The following TTN variants were observed in gnomAD, a reference collection of about 807,000 sequenced individuals.
The protein encoded by TTN is connectin.
A neutral mutation model predicts 3,223.0 loss-of-function variants in TTN; 1,525 were observed. That is an observed-to-expected ratio of 0.47 (90% confidence interval 0.45 to 0.49). The LOEUF (loss-of-function observed/expected upper bound fraction) is 0.49, where lower values mean the gene tolerates loss of function less well. Among genes scored for constraint, TTN ranks in the 20% least tolerant of loss-of-function variants. The probability of loss-of-function intolerance (pLI) is 0.00; values close to 1 mark genes in which losing one functional copy is unlikely to be tolerated. For missense variants in TTN, 40,786 were observed against 43,424.0 expected, an observed-to-expected ratio of 0.94 and a Z score of 5.40; for synonymous variants, 14,094 against 15,161.0, an observed-to-expected ratio of 0.93 and a Z score of 5.17.
rs370998052 is a variant in TTN, at chr2:178,598,767, C to A, written c.56943G>T (p.Ala18981=). ...VGPASLPSDP[A]TARDPIAPPG... ...GCTTACCAATTGGATCTCTAGCAGT[C>A]GCTGGGTCTGATGGCAGACTTGCTG... Residue 18981 remains alanine, a synonymous_variant, in exon 291 of 363, where the codon GCG becomes GCT. Transcript: ENST00000589042. The A allele has an allele frequency of 6.2e-7, 1 of 1,613,154 alleles. No individual in the cohort carries two copies. Among genetic ancestry groups the A allele is most frequent in the East Asian group, 2.2e-5 (1 of 44,774 alleles).
At chr2:178,770,810 G>A (rs1322185101) in intron 34 of TTN, 135 bp from the exon 35 acceptor site, 1 of 1,160,606 alleles carries the variant, frequency 8.6e-7, no homozygotes, top group South Asian at 1.2e-5. Context: ...CAGCACCTCT[G>A]TTTTAAAAAA....
At position 178,702,671 on chromosome 2, in the gene TTN, A is replaced by C. The variant is rs72650010; in HGVS notation, c.30224-8T>G. The C allele has an allele frequency of 2.1e-3, 3,344 of 1,607,802 alleles. 43 individuals carry two copies. The highest frequency in any genetic ancestry group is 0.017 in the South Asian group (1,527 of 90,676). ...TAAACTGAATTGGTTCAGCTGTTTAAGTACAAAGAGGGTTCAAAGTTAGAT... is the reference window on the plus strand; with the variant it reads ...TAAACTGAATTGGTTCAGCTGTTTACGTACAAAGAGGGTTCAAAGTTAGAT... On this transcript the variant is annotated splice_polypyrimidine_tract_variant and splice_region_variant and intron_variant, in intron 106 of 362. Transcript: ENST00000589042.
intron 270 of TTN, 112 bp downstream of exon 270, chr2:178,610,881 A>T: frequency 7.8e-7 from 1 of 1,286,826 alleles, no homozygotes; most frequent in Non-Finnish European, 1.1e-6. Context: ...AGTGACATTT[A>T]GTTTACAAGT....
rs757381520 is a variant in TTN at position 178,714,101 on chromosome 2, C to G, written c.26557G>C (p.Val8853Leu). ...GTACTGAGTTCAGGGGTGCCAGCTACTGTACACTCCAAGGTACAGGTGTCT... is the reference window on the plus strand; with the variant it reads ...GTACTGAGTTCAGGGGTGCCAGCTAGTGTACACTCCAAGGTACAGGTGTCT... ...TGDTCTLECTVAGTPELSTKW... is the reference protein window; with the variant it reads ...TGDTCTLECTLAGTPELSTKW... Residue 8853 changes from valine (V) to leucine (L), a missense_variant, in exon 92 of 363, where the codon GTA (valine) becomes CTA (leucine). Coordinates refer to ENST00000589042, the MANE Select transcript of TTN (RefSeq NM_001267550.2). 6.2e-6 allele frequency: 10 copies of G among 1,613,724 alleles called. No individual in the cohort carries two copies. The highest frequency in any genetic ancestry group is 1.7e-5 in the Admixed American group (1 of 59,990).
chr2:178,748,098 T>A, intron 47 of TTN: 1 of 1,613,154 alleles, frequency 6.2e-7, no homozygotes, highest in Non-Finnish European at 8.5e-7. Context: ...CTTGCTGCTT[T>A]TTTCAAATGT....
At position 178,632,342 on chromosome 2, in the gene TTN, C is replaced by T. The variant is rs746989081; in HGVS notation, c.43552G>A (p.Val14518Met). The change falls in exon 236 of 363, where the codon GTG becomes ATG. Residue 14518 changes from valine to methionine, a missense_variant. Val to Met is a conservative substitution (Grantham distance 21, BLOSUM62 1). Transcript: ENST00000589042. Reference protein sequence around the residue: ...AKEKESAVFTVELSHDNIRVK... With the variant: ...AKEKESAVFTMELSHDNIRVK... ...CGGATGTTATCATGAGATAACTCCA[C>T]AGTAAATACAGCACTTTCCTTCTCT... 4.4e-6 allele frequency: 7 copies of T among 1,605,316 alleles called. No homozygotes were observed. Among genetic ancestry groups the T allele is most frequent in the Middle Eastern group, 1.6e-4 (1 of 6,064 alleles).
rs755271632 is a variant in TTN, at chr2:178,731,821, G to C, written c.17054C>G (p.Thr5685Ser). The change falls in exon 58 of 363, where the codon ACT becomes AGT. Residue 5685 changes from threonine (T) to serine (S), a missense_variant. Coordinates refer to ENST00000589042, the MANE Select transcript of TTN (RefSeq NM_001267550.2). ...GCTAACCAGATGATCCTGAATGAAA[G>C]TCTTATACTTTCTACCACTTCGCAG... is the stretch of plus-strand genomic sequence containing the variant. ...TILRSGRKYK[T>S]FIQDHLVSLQ... is the part of the protein sequence containing the mutation. 6.2e-7 allele frequency: 1 copy of C among 1,613,802 alleles called. No homozygotes were observed. Among genetic ancestry groups the C allele is most frequent in the South Asian group, 1.1e-5 (1 of 91,078 alleles).
Position 178,739,291 on chromosome 2 carries a change from C to G in TTN, c.13942G>C (p.Glu4648Gln). The G allele has an allele frequency of 6.2e-7, 1 of 1,612,986 alleles. No individual in the cohort carries two copies. The highest frequency in any genetic ancestry group is 8.5e-7 in the Non-Finnish European group (1 of 1,179,278). ...YFENKLVPSD[E>Q]KFKCLQDQNT... ...TGATCTTGTAAACACTTGAACTTTT[C>G]ATCTGAAGGCACCAGTTTATTCTCA... The change falls in exon 48 of 363, where the codon GAA (glutamate) becomes CAA (glutamine). Residue 4648 changes from glutamate to glutamine, a missense_variant. Glu to Gln is a conservative substitution (Grantham distance 29, BLOSUM62 2). Coordinates refer to ENST00000589042, the MANE Select transcript of TTN (RefSeq NM_001267550.2).
At position 178,698,917 on chromosome 2, in the gene TTN, A is replaced by T. The variant is rs1256275289; in HGVS notation, c.30683-3T>A. ...TTTCTTCACAGCCTTTTTGGTAACT[A>T]AAAAAAAAAAAAAAGAAAAAAAAAG... On this transcript the variant is annotated splice_polypyrimidine_tract_variant and splice_region_variant and intron_variant, in intron 111 of 362. Transcript: ENST00000589042. 5.3e-6 allele frequency: 1 copy of T among 188,928 alleles called. No homozygotes were observed. 11.7% of individuals were successfully genotyped at this position (188,928 alleles called of 1,614,324 possible).
intron 101 of TTN, 22 bp downstream of exon 101, chr2:178,706,840 A>G (rs1450072113): frequency 1.2e-6 from 2 of 1,610,406 alleles, no homozygotes; most frequent in African/African-American, 1.3e-5. Context: ...ATGAAGATGT[A>G]CTTCTCATGA....
Position 178,750,475 on chromosome 2 carries a change from C to T in TTN, c.11311+2649G>A, listed in dbSNP as rs562072193. ...TTGGCATGTCATTGTTATACCACGT[C>T]ACTATAGGTTGAGGATATCCTTGAA... is the stretch of plus-strand genomic sequence containing the variant. On this transcript the variant is annotated intron_variant, in intron 47 of 362. Transcript: ENST00000589042. 215 of 1,612,884 alleles carry T rather than the reference C, an allele frequency of 1.3e-4. 2 individuals carry two copies. In the South Asian group the frequency reaches 2.2e-3, roughly 16 times the overall value.
chr2:178,665,238 T>G, intron 165 of TTN, 139 bp downstream of exon 165: 1 of 881,576 alleles, frequency 1.1e-6, no homozygotes, highest in East Asian at 2.6e-5. Context: ...TAGAGGAAAC[T>G]TCCTGTGGAA....
At chr2:178,674,891 C>T in intron 150 of TTN, 148 bp downstream of exon 150, 1 of 437,684 alleles carries the variant, frequency 2.3e-6, no homozygotes, top group Non-Finnish European at 4.0e-6. Flanking sequence ...ATTTGCCTGC[C>T]CAATTTCTAT....
chr2:178,536,688 A>T, intron 356 of TTN, 113 bp from the exon 357 acceptor site: 1 of 986,166 alleles, frequency 1.0e-6, no homozygotes, highest in East Asian at 2.8e-5. Flanking sequence ...AAAAATAGCT[A>T]TTCCAGAAAG....
chr2:178,693,915 CT>C lies in TTN; in HGVS notation c.31513+6del, dbSNP rs1170759603. On this transcript the variant is annotated splice_donor_region_variant and intron_variant, in intron 118 of 362. Coordinates refer to ENST00000589042, the MANE Select transcript of TTN (RefSeq NM_001267550.2). ...TTTGAGCCCCCACATTCCAGTTTGC[CT>C]TATACCTGTGACTGACACCTCCTCC... The C allele has an allele frequency of 6.2e-7, 1 of 1,612,166 alleles. No homozygotes were observed. The highest frequency in any genetic ancestry group is 2.2e-5 in the East Asian group (1 of 44,838).
chr2:178,623,314 G>A (rs2058573741), intron 242 of TTN, among the ~76,000 whole-genome samples: 1 of 151,054 alleles, frequency 6.6e-6, no homozygotes, highest in Non-Finnish European at 1.5e-5. Flanking sequence ...ATATAAGTCA[G>A]GCATAACATC....
Position 178,552,355 on chromosome 2 carries a change from T to A in TTN, c.90545A>T (p.Lys30182Ile). ...ACTCAAAGTAATTTTGTTTTCAGTT[T>A]TACTGAAGCGAACAAATTCACTTTC... ...LKESEFVRFS[K>I]TENKITLSIK... Residue 30182 changes from lysine to isoleucine, a missense_variant, in exon 335 of 363, where the codon AAA becomes ATA. Transcript: ENST00000589042. 6.3e-7 allele frequency: 1 copy of A among 1,597,342 alleles called. No individual in the cohort carries two copies. Among genetic ancestry groups the A allele is most frequent in the South Asian group, 1.1e-5 (1 of 87,522 alleles).
At chr2:178,529,738 A>G (rs998676377) in intron 359 of TTN, among the ~76,000 whole-genome samples, 1 of 152,244 alleles carries the variant, frequency 6.6e-6, no homozygotes, top group African/African-American at 2.4e-5. Context: ...ATATAATACC[A>G]CATATAACTA....
In TTN at chr2:178,718,497, G is replaced by A. The variant is rs397517509; in HGVS notation, c.24609C>T (p.Ser8203=). Residue 8203 remains serine, a synonymous_variant, in exon 85 of 363, where the codon AGC becomes AGT. Transcript: ENST00000589042. ...TYTGTPPISV[S]WIKDEYLISQ... ...AAATAAGATACTCGTCCTTTATCCA[G>A]CTCACTGAGATTGGAGGTGTGCCAG... The A allele has an allele frequency of 3.1e-6, 5 of 1,613,664 alleles. No homozygotes were observed. In the Admixed American group the frequency reaches 8.3e-5, roughly 27 times the overall value.
Sources: allele counts gnomAD v4.1 joint callset (sites outside exome capture counted in the v4.1 genomes callset), GRCh38; gene constraint gnomAD v4.1.1; transcripts MANE v1.5; gene names NCBI Gene and HGNC (gene_info 2026-07-23, HGNC 2026-07-21).